The following BBS4 variants were observed in gnomAD, a reference collection of about 807,000 sequenced individuals.
BBS4 encodes BBSome complex member BBS4.
In BBS4, 58 loss-of-function variants were observed where a neutral mutation model predicts 71.4. The observed-to-expected ratio is 0.81, with a 90% CI of 0.66 to 1.01. The LOEUF is 1.01. BBS4 is among the 50% of genes least tolerant of loss of function. The pLI, the probability that BBS4 is intolerant of heterozygous loss-of-function variation, is 0.00. For missense variants in BBS4, 660 were observed against 607.9 expected, an observed-to-expected ratio of 1.09 and a Z score of -0.90; for synonymous variants, 228 against 216.8, an observed-to-expected ratio of 1.05 and a Z score of -0.46.
rs2065814889 is a variant in BBS4, at chr15:72,731,290, G to A, written c.712-15G>A. 6.2e-7 allele frequency: 1 copy of A among 1,613,852 alleles called. No individual in the cohort carries two copies. The highest frequency in any genetic ancestry group is 1.1e-5 in the South Asian group (1 of 91,072). On this transcript the variant is annotated splice_polypyrimidine_tract_variant and intron_variant, in intron 10 of 15. Transcript: ENST00000268057. Reference sequence around the variant, plus strand: ...TGGGAATGACTGAATGACTTTCTCTGTGCCATGTTTTCAGGCCATCTTGGC... The same window carrying A: ...TGGGAATGACTGAATGACTTTCTCTATGCCATGTTTTCAGGCCATCTTGGC...
chr15:72,710,195 G>GTTCTTTT lies in BBS4; in HGVS notation c.156+418_156+419insCTTTTTT, dbSNP rs1239689474. 3.1e-3 allele frequency among the ~76,000 whole-genome samples: 321 copies of GTTCTTTT among 103,414 alleles called. 33 individuals carry two copies. The highest frequency in any genetic ancestry group is 4.2e-3 in the African/African-American group (113 of 27,228). The allele number at this position is 103,414 out of a possible 152,430, so 67.8% of individuals were successfully genotyped here. ...TAGATGAAAAATGGTATTTTGTCGA[G>GTTCTTTT]TTTTTTTTTTTTTTTTTTTTTTTTT... is the stretch of plus-strand genomic sequence containing the variant. On this transcript the variant is annotated intron_variant, in intron 3 of 15. Coordinates refer to ENST00000268057, the MANE Select transcript of BBS4 (RefSeq NM_033028.5).
In BBS4 at chr15:72,737,806, A is replaced by G. The variant is rs2151058931; in HGVS notation, c.*219A>G. 2 of 573,404 alleles carry G rather than the reference A, an allele frequency of 3.5e-6. No individual in the cohort carries two copies. Among genetic ancestry groups the G allele is most frequent in the South Asian group, 3.1e-5 (2 of 65,498 alleles). 35.5% of individuals were successfully genotyped at this position (573,404 alleles called of 1,614,324 possible). ...CTGCCCCATAAGCCAGGAAAAGTGA[A>G]AAGAGAACACAGTTCCTTTAAGAAC... On this transcript the variant is annotated 3_prime_UTR_variant, in exon 16 of 16. Coordinates refer to ENST00000268057, the MANE Select transcript of BBS4 (RefSeq NM_033028.5).
At chr15:72,686,753 G>C in intron 1 of BBS4, 1 of 389,684 alleles carries the variant, frequency 2.6e-6, no homozygotes, top group Non-Finnish European at 4.8e-6. Context: ...TCACTCCACA[G>C]AACTGCTAAT....
At chr15:72,737,130 C>A in intron 15 of BBS4, 167 bp downstream of exon 15, 1 of 817,178 alleles carries the variant, frequency 1.2e-6, no homozygotes, top group Non-Finnish European at 2.0e-6. Flanking sequence ...GCACTTGTTT[C>A]CTTAAGGCGA....
In BBS4 at chr15:72,716,868, A is replaced by C. The variant is rs771990220; in HGVS notation, c.405+18A>C. On this transcript the variant is annotated intron_variant, in intron 6 of 15. Coordinates refer to ENST00000268057, the MANE Select transcript of BBS4 (RefSeq NM_033028.5). ...AAGATTGGGTAAGTAGAGAACTTTC[A>C]GTTCTTTCTTATTAGTAAACTTGCT... The C allele has an allele frequency of 1.9e-6, 3 of 1,573,686 alleles. No individual in the cohort carries two copies. In the South Asian group the frequency reaches 3.4e-5, roughly 18 times the overall value.
At chr15:72,733,744 G>A (rs1452115033) in intron 12 of BBS4, among the ~76,000 whole-genome samples, 1 of 152,180 alleles carries the variant, frequency 6.6e-6, no homozygotes, top group East Asian at 1.9e-4. Context: ...ACACATGCAT[G>A]TGTCTTTATG....
At chr15:72,688,225 T>A (rs903249367) in intron 1 of BBS4, among the ~76,000 whole-genome samples, 2 of 151,872 alleles carry the variant, frequency 1.3e-5, no homozygotes, top group African/African-American at 4.8e-5. Flanking sequence ...CATTTGAATG[T>A]CTAATACTGT....
chr15:72,735,159 C>G lies in BBS4; in HGVS notation c.1083C>G (p.Tyr361Ter). Residue 361 changes from tyrosine (Y) to a stop codon, truncating the protein, a stop_gained, in exon 13 of 16, where the codon TAC becomes TAG. Transcript: ENST00000268057. LOFTEE classifies it high-confidence loss of function. ...ATATAGAAAATGCCAAGAGAGCCTA[C>G]GCAGAAGCAGTCCACCTGGATAAGT... ...LEDIENAKRA[Y>*]AEAVHLDKCN... 6.2e-7 allele frequency: 1 copy of G among 1,613,720 alleles called. No homozygotes were observed. Among genetic ancestry groups the G allele is most frequent in the Non-Finnish European group, 8.5e-7 (1 of 1,179,726 alleles).
chr15:72,728,214 T>C (rs942557250), intron 9 of BBS4, among the ~76,000 whole-genome samples: 3 of 152,174 alleles, frequency 2.0e-5, no homozygotes, highest in African/African-American at 7.2e-5. Context: ...ATAATTCTTA[T>C]CTAGGCTGGG....
Position 72,737,853 on chromosome 15 carries a change from T to C in BBS4, c.*266T>C, listed in dbSNP as rs776256374. The stretch of plus-strand genomic sequence containing the variant: ...GAACTGGCAGCAAGGCTTGAGGCCT[T>C]ATGTATGTAGCTGAGTCAGCAAGGT... On this transcript the variant is annotated 3_prime_UTR_variant, in exon 16 of 16. Transcript: ENST00000268057. The C allele has an allele frequency of 1.0e-5, 5 of 494,670 alleles. No homozygotes were observed. The highest frequency in any genetic ancestry group is 5.5e-5 in the East Asian group (1 of 18,286). 30.6% of individuals were successfully genotyped at this position (494,670 alleles called of 1,614,324 possible).
At chr15:72,735,318 T>G in intron 13 of BBS4, 136 bp downstream of exon 13, 2 of 705,384 alleles carry the variant, frequency 2.8e-6, no homozygotes, top group Non-Finnish European at 5.2e-6. Flanking sequence ...CAGACCTCAG[T>G]GTGGAGGGAT....
chr15:72,726,488 T>C (rs1404683975), intron 8 of BBS4, among the ~76,000 whole-genome samples: 1 of 152,226 alleles, frequency 6.6e-6, no homozygotes, highest in Non-Finnish European at 1.5e-5. Flanking sequence ...ATAGAATGTC[T>C]GGTCTGTGGT....
At chr15:72,701,219 A>G (rs1247774873) in intron 2 of BBS4, among the ~76,000 whole-genome samples, 1 of 152,214 alleles carries the variant, frequency 6.6e-6, no homozygotes, top group African/African-American at 2.4e-5. Context: ...GGAATCATGC[A>G]GTGTGTACTT....
Position 72,737,505 on chromosome 15 carries a change from A to G in BBS4, c.1478A>G (p.Lys493Arg). 6.2e-7 allele frequency: 1 copy of G among 1,613,102 alleles called. No homozygotes were observed. Among genetic ancestry groups the G allele is most frequent in the Non-Finnish European group, 8.5e-7 (1 of 1,179,620 alleles). Residue 493 changes from lysine (K) to arginine (R), a missense_variant, in exon 16 of 16, where the codon AAG becomes AGG. Lys to Arg is a conservative substitution (Grantham distance 26). Coordinates refer to ENST00000268057, the MANE Select transcript of BBS4 (RefSeq NM_033028.5). ...GCTGGAGGAACATCCCAGTTCACAA[A>G]GCCCCCATCTCTTCCTCTGGAGCCA... Reference protein sequence around the residue: ...SGAGGTSQFTKPPSLPLEPEP... With the variant: ...SGAGGTSQFTRPPSLPLEPEP...
chr15:72,720,077 T>C (rs1213295123), intron 6 of BBS4, among the ~76,000 whole-genome samples: 1 of 151,892 alleles, frequency 6.6e-6, no homozygotes, highest in African/African-American at 2.4e-5. Context: ...TTCTTTAAAA[T>C]TTTCCCCTTC....
At chr15:72,727,838 C>A in intron 8 of BBS4, 102 bp from the exon 9 acceptor site, 1 of 886,854 alleles carries the variant, frequency 1.1e-6, no homozygotes, top group Non-Finnish European at 1.9e-6. Flanking sequence ...GGAAGAGGCT[C>A]AGTGGGGTCT....
At position 72,737,995 on chromosome 15, in the gene BBS4, T is replaced by C. The variant is rs1419022127; in HGVS notation, c.*408T>C. On this transcript the variant is annotated 3_prime_UTR_variant, in exon 16 of 16. Coordinates refer to ENST00000268057, the MANE Select transcript of BBS4 (RefSeq NM_033028.5). The stretch of plus-strand genomic sequence containing the variant: ...GAGTAGCTCTGTGATGACAAAGCCT[T>C]GGTTTAACTGAGGTGATCCTCAGGT... 1 of 454,364 alleles carries C rather than the reference T, an allele frequency of 2.2e-6. No individual in the cohort carries two copies. Among genetic ancestry groups the C allele is most frequent in the South Asian group, 1.6e-5 (1 of 64,482 alleles). 28.1% of individuals were successfully genotyped at this position (454,364 alleles called of 1,614,324 possible). A position where few individuals can be genotyped will look rare whatever the true frequency, so the allele number is the denominator to read the frequency against.
intron 2 of BBS4, among the ~76,000 whole-genome samples, chr15:72,702,870 G>A (rs905583863): frequency 7.5e-6 from 1 of 132,558 alleles, no homozygotes; most frequent in African/African-American, 2.7e-5. Flanking sequence ...TGCAGTGGCG[G>A]GATCTCGGCT....
Position 72,736,304 on chromosome 15 carries a change from C to A in BBS4, c.1248+338C>A, listed in dbSNP as rs2065922967. 3.4e-5 allele frequency among the ~76,000 whole-genome samples: 5 copies of A among 146,130 alleles called. No individual in the cohort carries two copies. In the South Asian group the frequency reaches 1.1e-3, roughly 31 times the overall value. ...TTGCCCAGGCTGGAGTGCAATGGCG[C>A]AATCTCAGTTCACTGCAACCTCCGC... is the stretch of plus-strand genomic sequence containing the variant. On this transcript the variant is annotated intron_variant, in intron 14 of 15. Transcript: ENST00000268057.
Sources: allele counts gnomAD v4.1 joint callset (sites outside exome capture counted in the v4.1 genomes callset), GRCh38; gene constraint gnomAD v4.1.1; transcripts MANE v1.5; gene names NCBI Gene and HGNC (gene_info 2026-07-23, HGNC 2026-07-21).